The following ADD2 variants were observed in gnomAD, a reference collection of about 807,000 sequenced individuals.
ADD2 encodes the protein adducin 2, also known as beta-adducin.
Under a neutral mutation model 83.0 loss-of-function variants are expected in ADD2, and 23 were observed. The ratio of observed to expected loss-of-function variants is 0.28; its 90% CI spans 0.20 to 0.39. The LOEUF (loss-of-function observed/expected upper bound fraction) is 0.39, where lower values mean the gene tolerates loss of function less well. ADD2 is among the 10% of genes least tolerant of loss of function. The pLI is 1.00. For synonymous variants in ADD2, 375 were observed against 375.4 expected (o/e 1.00, Z 0.01); for missense variants, 758 against 944.9 (o/e 0.80, Z 2.59).
intron 2 of ADD2, among the ~76,000 whole-genome samples, chr2:70,712,358 C>T (rs571040838): frequency 2.7e-5 from 4 of 150,858 alleles, no homozygotes; most frequent in South Asian, 2.1e-4. Context: ...GCAGGAGAAT[C>T]GCTTGAACCT....
intron 4 of ADD2, among the ~76,000 whole-genome samples, chr2:70,701,960 T>C (rs1409942358): frequency 6.6e-6 from 1 of 152,210 alleles, no homozygotes; most frequent in African/African-American, 2.4e-5. Context: ...GTACCTACTA[T>C]GTGCCAGATA....
At chr2:70,698,253 G>A (rs920993491) in intron 4 of ADD2, among the ~76,000 whole-genome samples, 13 of 152,174 alleles carry the variant, frequency 8.5e-5, no homozygotes, top group Non-Finnish European at 2.9e-5. Context: ...GCCAGAACAG[G>A]TCTGAAAATA....
chr2:70,763,876 C>T (rs6726962), intron 1 of ADD2, among the ~76,000 whole-genome samples: 65,946 of 151,336 alleles, frequency 0.44, 16,195 homozygotes, highest in African/African-American at 0.66. Context: ...GAACAAATTA[C>T]CCATCTCATT....
intron 4 of ADD2, among the ~76,000 whole-genome samples, chr2:70,699,253 G>C (rs1671463717): frequency 6.6e-6 from 1 of 151,918 alleles, no homozygotes; most frequent in African/African-American, 2.4e-5. Context: ...TAAAAAAAAA[G>C]ACCTGTGCAT....
intron 4 of ADD2, among the ~76,000 whole-genome samples, chr2:70,698,804 G>T (rs1671436945): frequency 1.3e-5 from 2 of 152,182 alleles, no homozygotes; most frequent in African/African-American, 4.8e-5. Context: ...TTATAAATCA[G>T]ATCTAACTGA....
intron 1 of ADD2, chr2:70,767,554 GC>G: frequency 1.0e-6 from 1 of 999,882 alleles, no homozygotes; most frequent in Non-Finnish European, 1.3e-6. Context: ...GCCCGGCTAG[GC>G]GAGGCGAGGC....
At chr2:70,686,231 T>C (rs1553370510) in intron 9 of ADD2, among the ~76,000 whole-genome samples, 2 of 152,228 alleles carry the variant, frequency 1.3e-5, no homozygotes, top group African/African-American at 4.8e-5. Context: ...CCTGCTTTTT[T>C]CTTCCACATC....
intron 1 of ADD2, among the ~76,000 whole-genome samples, chr2:70,752,663 G>A (rs1674568897): frequency 6.6e-6 from 1 of 152,198 alleles, no homozygotes; most frequent in African/African-American, 2.4e-5. Flanking sequence ...CAAGGAAAAT[G>A]CAGAGAGAAA....
intron 1 of ADD2, among the ~76,000 whole-genome samples, chr2:70,733,251 C>T (rs1436734555): frequency 3.9e-5 from 6 of 152,156 alleles, no homozygotes; most frequent in African/African-American, 1.4e-4. Flanking sequence ...ACTGCTGGCT[C>T]GTCTTCTCCC....
chr2:70,686,596 T>C (rs1553370562), intron 9 of ADD2, among the ~76,000 whole-genome samples: 1 of 152,196 alleles, frequency 6.6e-6, no homozygotes, highest in African/African-American at 2.4e-5. Flanking sequence ...TATTTTCTTA[T>C]TGAAGAATCT....
chr2:70,712,025 A>G (rs1316673148), intron 2 of ADD2, among the ~76,000 whole-genome samples: 1 of 152,202 alleles, frequency 6.6e-6, no homozygotes, highest in Non-Finnish European at 1.5e-5. Flanking sequence ...ATTGAATTGT[A>G]GGACAGCCAA....
At chr2:70,763,254 GAGTGCTCTT>G (rs1296631972) in intron 1 of ADD2, among the ~76,000 whole-genome samples, 1 of 151,906 alleles carries the variant, frequency 6.6e-6, no homozygotes, top group East Asian at 1.9e-4. Context: ...GCCATTCCAT[GAGTGCTCTT>G]CGAGTTTGGA....
intron 6 of ADD2, among the ~76,000 whole-genome samples, chr2:70,694,017 G>A (rs1364364441): frequency 6.6e-6 from 1 of 152,166 alleles, no homozygotes; most frequent in African/African-American, 2.4e-5. Flanking sequence ...AGTGAGTGGA[G>A]CACAGGTTGG....
At chr2:70,722,882 G>A (rs1261655557) in intron 1 of ADD2, among the ~76,000 whole-genome samples, 1 of 152,182 alleles carries the variant, frequency 6.6e-6, no homozygotes. Flanking sequence ...TCTCCAGGGG[G>A]ACATAGTACA....
At chr2:70,709,736 G>A (rs1313357113) in intron 2 of ADD2, among the ~76,000 whole-genome samples, 1 of 152,218 alleles carries the variant, frequency 6.6e-6, no homozygotes, top group Non-Finnish European at 1.5e-5. Flanking sequence ...AGATCTTCCC[G>A]CTTTCCCCCA....
rs1672580173 is a variant in ADD2 at position 70,718,493 on chromosome 2, C to T, written c.-153-5309G>A. Among the ~76,000 whole-genome samples, 5 of 152,180 alleles carry T rather than the reference C, an allele frequency of 3.3e-5. No individual in the cohort carries two copies. The South Asian group carries it at 1.0e-3, about 32-fold the overall frequency. On this transcript the variant is annotated intron_variant, in intron 1 of 15. Transcript: ENST00000264436. Reference sequence around the variant, plus strand: ...AGGGCAACACACTACAGGGCCCCAACAATGAATGCTGAGGTGATCAGAAAT... The same window carrying T: ...AGGGCAACACACTACAGGGCCCCAATAATGAATGCTGAGGTGATCAGAAAT...
chr2:70,675,690 G>C, intron 13 of ADD2: 1 of 985,316 alleles, frequency 1.0e-6, no homozygotes, highest in East Asian at 1.1e-4. Context: ...AGTCCTCCCT[G>C]CCCTGGCCCG....
chr2:70,702,652 A>G (rs138419768), intron 4 of ADD2, among the ~76,000 whole-genome samples: 5 of 152,126 alleles, frequency 3.3e-5, no homozygotes, highest in East Asian at 3.9e-4. Context: ...AGAATTCTAC[A>G]AGACAAAAAA....
intron 6 of ADD2, among the ~76,000 whole-genome samples, chr2:70,693,374 T>C (rs1671147015): frequency 6.6e-6 from 1 of 152,182 alleles, no homozygotes; most frequent in South Asian, 2.1e-4. Context: ...TGATAGTCTC[T>C]AAAACTCATG....
Sources: allele counts gnomAD v4.1 joint callset (sites outside exome capture counted in the v4.1 genomes callset), GRCh38; gene constraint gnomAD v4.1.1; transcripts MANE v1.5; gene names NCBI Gene and HGNC (gene_info 2026-07-23, HGNC 2026-07-21).